Variants in BRINP3 observed in about 807,000 individuals in gnomAD.
BRINP3 encodes the protein BMP/retinoic acid-inducible neural-specific protein 3.
In BRINP3, 19 loss-of-function variants were observed where a neutral mutation model predicts 71.0. The observed-to-expected ratio is 0.27, with a 90% confidence interval of 0.19 to 0.39. The LOEUF is 0.39. Among genes scored for constraint, BRINP3 ranks in the 10% least tolerant of loss-of-function variants. The pLI is 1.00. For synonymous variants in BRINP3, 380 were observed against 337.7 expected, an observed-to-expected ratio of 1.13 and a Z score of -1.37; for missense variants, 959 against 940.8, an observed-to-expected ratio of 1.02 and a Z score of -0.25.
chr1:190,203,194 T>A (rs1655160010), intron 6 of BRINP3, among the ~76,000 whole-genome samples: 1 of 152,080 alleles, frequency 6.6e-6, no homozygotes, highest in Non-Finnish European at 1.5e-5. Context: ...GATTTTATTG[T>A]TAATATGAAG....
chr1:190,330,423 G>A (rs555823380), intron 2 of BRINP3, among the ~76,000 whole-genome samples: 4 of 151,570 alleles, frequency 2.6e-5, no homozygotes, highest in Non-Finnish European at 5.9e-5. Context: ...AATCAAAACC[G>A]CAATGAGATA....
At chr1:190,168,608 A>G (rs1214216859) in intron 6 of BRINP3, among the ~76,000 whole-genome samples, 1 of 152,222 alleles carries the variant, frequency 6.6e-6, no homozygotes, top group Non-Finnish European at 1.5e-5. Flanking sequence ...AAGATCAATT[A>G]AGACAAAAAT....
intron 7 of BRINP3, among the ~76,000 whole-genome samples, chr1:190,131,601 C>T (rs1444840619): frequency 6.6e-6 from 1 of 151,986 alleles, no homozygotes; most frequent in African/African-American, 2.4e-5. Context: ...AGTCTAATGT[C>T]CCCTGCCTCT....
chr1:190,309,590 C>A (rs770772397), intron 2 of BRINP3, among the ~76,000 whole-genome samples: 1 of 151,608 alleles, frequency 6.6e-6, no homozygotes, highest in African/African-American at 2.4e-5. Flanking sequence ...ACCTCATGAT[C>A]GAAGATTTTT....
Position 190,098,710 on chromosome 1 carries a change from A to G in BRINP3, c.1609T>C (p.Leu537=). 6.2e-7 allele frequency: 1 copy of G among 1,614,158 alleles called. No individual in the cohort carries two copies. The highest frequency in any genetic ancestry group is 1.1e-5 in the South Asian group (1 of 91,086). Residue 537 remains leucine (L), a synonymous_variant, in exon 8 of 8, where the codon TTG becomes CTG. Coordinates refer to ENST00000367462, the MANE Select transcript of BRINP3 (RefSeq NM_199051.3). ...CTTGACTTGTACTTATTGCTCTTCA[A>G]GGTGAGGAGCATCCGCTTACGCCAG... ...PSWRKRMLLT[L]KSNKYKSSLV... is the part of the protein sequence containing the mutation.
chr1:190,222,294 A>G (rs1392502257), intron 6 of BRINP3, among the ~76,000 whole-genome samples: 1 of 152,010 alleles, frequency 6.6e-6, no homozygotes, highest in Non-Finnish European at 1.5e-5. Flanking sequence ...ACATAGAAAT[A>G]AAACATCCTA....
At chr1:190,419,348 C>A (rs1019229673) in intron 2 of BRINP3, among the ~76,000 whole-genome samples, 4 of 151,962 alleles carry the variant, frequency 2.6e-5, no homozygotes, top group African/African-American at 9.6e-5. Flanking sequence ...TATTTTGGTT[C>A]TATGGCTATA....
intron 7 of BRINP3, among the ~76,000 whole-genome samples, chr1:190,135,744 A>C (rs2102368465): frequency 6.6e-6 from 1 of 152,208 alleles, no homozygotes; most frequent in African/African-American, 2.4e-5. Context: ...TAAATTAATA[A>C]ATAATTATTT....
At chr1:190,103,003 G>T (rs1302157394) in intron 7 of BRINP3, among the ~76,000 whole-genome samples, 1 of 151,860 alleles carries the variant, frequency 6.6e-6, no homozygotes. Flanking sequence ...AGTCATCTTT[G>T]TTCAACCTAT....
intron 6 of BRINP3, 131 bp downstream of exon 6, chr1:190,225,951 G>A (rs1157619122): frequency 1.6e-6 from 1 of 640,786 alleles, no homozygotes; most frequent in Non-Finnish European, 2.6e-6. Context: ...CAATGAAAAT[G>A]TCCATTTGAA....
intron 2 of BRINP3, among the ~76,000 whole-genome samples, chr1:190,305,787 A>AGGTT (rs1245633590): frequency 6.6e-6 from 1 of 151,810 alleles, no homozygotes; most frequent in Non-Finnish European, 1.5e-5. Flanking sequence ...GCTAGAAGAG[A>AGGTT]GGTTTTAAAA....
intron 5 of BRINP3, among the ~76,000 whole-genome samples, chr1:190,231,079 G>A (rs6662228): frequency 0.89 from 134,385 of 151,528 alleles, 59,873 homozygotes; most frequent in Middle Eastern, 0.97. Flanking sequence ...GTAATATGCA[G>A]TTCAATAGAA....
At chr1:190,468,684 T>C (rs934863730) in intron 1 of BRINP3, among the ~76,000 whole-genome samples, 2 of 151,176 alleles carry the variant, frequency 1.3e-5, no homozygotes, top group Non-Finnish European at 3.0e-5. Flanking sequence ...GATATAAAAG[T>C]TCTCAAACAA....
At chr1:190,444,239 CAAAAAAAAAA>C (rs764014934) in intron 2 of BRINP3, among the ~76,000 whole-genome samples, 29 of 56,322 alleles carry the variant, frequency 5.1e-4, no homozygotes, top group South Asian at 2.4e-3. Flanking sequence ...AACTCCGTCT[CAAAAAAAAAA>C]AAAAAAAAAA....
At chr1:190,235,202 A>G (rs1658399336) in intron 4 of BRINP3, among the ~76,000 whole-genome samples, 1 of 152,022 alleles carries the variant, frequency 6.6e-6, no homozygotes, top group Admixed American at 6.6e-5. Context: ...ATTTCCATCC[A>G]ATTTTGGTCT....
At chr1:190,144,166 G>A (rs1655690672) in intron 7 of BRINP3, among the ~76,000 whole-genome samples, 1 of 152,078 alleles carries the variant, frequency 6.6e-6, no homozygotes, top group Non-Finnish European at 1.5e-5. Context: ...ATCAATTAAT[G>A]TCTTTTTGAA....
At chr1:190,420,043 A>G (rs1286878548) in intron 2 of BRINP3, among the ~76,000 whole-genome samples, 1 of 152,004 alleles carries the variant, frequency 6.6e-6, no homozygotes, top group South Asian at 2.1e-4. Flanking sequence ...TCTATATATG[A>G]AACTTAAATA....
At chr1:190,468,015 CTT>C (rs1483620823) in intron 1 of BRINP3, among the ~76,000 whole-genome samples, 4 of 151,268 alleles carry the variant, frequency 2.6e-5, no homozygotes, top group Non-Finnish European at 3.0e-5. Context: ...CTTGTTTGAA[CTT>C]GTCAAGAATT....
chr1:190,413,872 T>C (rs1191309701), intron 2 of BRINP3, among the ~76,000 whole-genome samples: 1 of 152,224 alleles, frequency 6.6e-6, no homozygotes, highest in Admixed American at 6.5e-5. Context: ...AAATAATTTA[T>C]GTTCAAAAAT....
Sources: gnomAD v4.1 joint callset for allele counts (sites outside exome capture counted in the v4.1 genomes callset) on GRCh38, gnomAD v4.1.1 for gene constraint, MANE v1.5 for transcripts, NCBI Gene and HGNC (gene_info 2026-07-23, HGNC 2026-07-21) for gene names.